Variants in CHKA observed in about 807,000 individuals in gnomAD.
CHKA encodes the protein CHETK-alpha.
A neutral mutation model predicts 60.1 loss-of-function variants in CHKA; 34 were observed. That is an observed-to-expected ratio of 0.57 (90% confidence interval 0.43 to 0.75). The LOEUF (loss-of-function observed/expected upper bound fraction) is 0.75. Among genes scored for constraint, CHKA ranks in the 30% least tolerant of loss-of-function variants. CHKA has a pLI of 0.00. For missense variants in CHKA, 563 were observed against 561.3 expected (o/e 1.00, Z -0.03); for synonymous variants, 217 against 223.1 (o/e 0.97, Z 0.24).
intron 9 of CHKA, among the ~76,000 whole-genome samples, chr11:68,065,244 C>T (rs1325756377): frequency 6.6e-6 from 1 of 152,184 alleles, no homozygotes; most frequent in Non-Finnish European, 1.5e-5. Context: ...AAAAATACTA[C>T]AAGGAACTAC....
chr11:68,073,197 C>T (rs554052873), intron 4 of CHKA, among the ~76,000 whole-genome samples: 1 of 152,252 alleles, frequency 6.6e-6, no homozygotes, highest in East Asian at 1.9e-4. Context: ...TACATGTGCA[C>T]ATATTCTTAA....
chr11:68,061,890 A>G, intron 11 of CHKA, 63 bp downstream of exon 11: 2 of 1,137,088 alleles, frequency 1.8e-6, no homozygotes, highest in East Asian at 5.1e-5. Flanking sequence ...ATTCACAAAT[A>G]CTATAGCATT....
chr11:68,064,646 A>G lies in CHKA; in HGVS notation c.1126-15T>C, dbSNP rs1590836932. ...ATAAAATGGAGCTTAAAAAAAAGTA[A>G]TTGTGTTAGGATCAATGATGGTTAA... On this transcript the variant is annotated splice_polypyrimidine_tract_variant and intron_variant, in intron 9 of 11. Coordinates refer to ENST00000265689, the MANE Select transcript of CHKA (RefSeq NM_001277.3). 1 of 1,457,482 alleles carries G rather than the reference A, an allele frequency of 6.9e-7. No homozygotes were observed. Among genetic ancestry groups the G allele is most frequent in the East Asian group, 2.3e-5 (1 of 43,310 alleles). 90.3% of individuals were successfully genotyped at this position (1,457,482 alleles called of 1,614,324 possible). A position where few individuals can be genotyped will look rare whatever the true frequency, so the allele number is the denominator to read the frequency against.
At chr11:68,097,635 CAAAAA>C (rs386374052) in intron 1 of CHKA, among the ~76,000 whole-genome samples, 2 of 111,854 alleles carry the variant, frequency 1.8e-5, no homozygotes, top group East Asian at 5.2e-4. Context: ...GACTCCGTCT[CAAAAA>C]AAAAAAAAAA....
chr11:68,081,338 G>C, intron 3 of CHKA, 66 bp downstream of exon 3: 1 of 1,317,418 alleles, frequency 7.6e-7, no homozygotes, highest in Middle Eastern at 1.8e-4. Flanking sequence ...CCAAGCCCTG[G>C]AGTAGCGAAG....
At chr11:68,058,264 A>G (rs1225285980) in intron 11 of CHKA, among the ~76,000 whole-genome samples, 2 of 152,254 alleles carry the variant, frequency 1.3e-5, no homozygotes, top group African/African-American at 4.8e-5. Context: ...ACCAGGTAGT[A>G]GAAGTCTTCT....
Position 68,053,639 on chromosome 11 carries a change from G to A in CHKA, c.*349C>T, listed in dbSNP as rs1164064287. 1.7e-5 allele frequency: 4 copies of A among 238,540 alleles called. No homozygotes were observed. The highest frequency in any genetic ancestry group is 3.3e-5 in the Non-Finnish European group (4 of 121,278). 14.8% of individuals were successfully genotyped at this position (238,540 alleles called of 1,614,324 possible). On this transcript the variant is annotated 3_prime_UTR_variant, in exon 12 of 12. Transcript: ENST00000265689. ...AAAATTTAAATCAACATTAACCAAA[G>A]TACCTGCAAGTAACACTGCTTACTC...
At chr11:68,092,931 G>C (rs1000464375) in intron 2 of CHKA, among the ~76,000 whole-genome samples, 1 of 151,314 alleles carries the variant, frequency 6.6e-6, no homozygotes, top group African/African-American at 2.4e-5. Context: ...TGTTGTCTAT[G>C]TCAACTGTCA....
chr11:68,057,754 C>CT (rs1491223617), intron 11 of CHKA, among the ~76,000 whole-genome samples: 1 of 152,228 alleles, frequency 6.6e-6, no homozygotes, highest in Non-Finnish European at 1.5e-5. Context: ...CTCCACATGA[C>CT]TCTTCAAATG....
chr11:68,073,120 G>T (rs757953962), intron 4 of CHKA, among the ~76,000 whole-genome samples: 4 of 152,046 alleles, frequency 2.6e-5, no homozygotes, highest in Non-Finnish European at 5.9e-5. Flanking sequence ...TTGTCCCCAA[G>T]ATATTTTTAT....
intron 1 of CHKA, among the ~76,000 whole-genome samples, chr11:68,120,501 CTA>C (rs1038732620): frequency 2.6e-5 from 4 of 152,258 alleles, no homozygotes; most frequent in African/African-American, 9.6e-5. Context: ...CTTTCTAGAC[CTA>C]TCTTAAGCGT....
Position 68,061,922 on chromosome 11 carries a change from A to G in CHKA, c.1314+31T>C, listed in dbSNP as rs564974078. Reference sequence around the variant, plus strand: ...CATTTTTACCTGGGAGTAGGAAGAAAAAAAAAAACAAAAACGCTGCTAAAA... The same window carrying G: ...CATTTTTACCTGGGAGTAGGAAGAAGAAAAAAAACAAAAACGCTGCTAAAA... On this transcript the variant is annotated intron_variant, in intron 11 of 11. Transcript: ENST00000265689. 131 of 1,482,982 alleles carry G rather than the reference A, an allele frequency of 8.8e-5. 1 individual carries two copies. Among genetic ancestry groups the G allele is most frequent in the Non-Finnish European group, 1.1e-4 (126 of 1,096,310 alleles). 91.9% of individuals were successfully genotyped at this position (1,482,982 alleles called of 1,614,324 possible).
intron 1 of CHKA, among the ~76,000 whole-genome samples, chr11:68,101,811 T>C (rs2153026046): frequency 6.6e-6 from 1 of 152,222 alleles, no homozygotes; most frequent in East Asian, 1.9e-4. Context: ...TGTTAAAATG[T>C]CCATACTGGC....
At chr11:68,096,837 C>G (rs756968247) in intron 2 of CHKA, among the ~76,000 whole-genome samples, 182 bp downstream of exon 2, 1 of 152,092 alleles carries the variant, frequency 6.6e-6, no homozygotes, top group Non-Finnish European at 1.5e-5. Flanking sequence ...AAAAAAAACA[C>G]GAATTAACTT....
chr11:68,097,683 C>T (rs1410470447), intron 1 of CHKA, among the ~76,000 whole-genome samples: 1 of 151,444 alleles, frequency 6.6e-6, no homozygotes, highest in African/African-American at 2.4e-5. Context: ...ACCTTCTTCT[C>T]TAGGGCTTTC....
At position 68,120,905 on chromosome 11, in the gene CHKA, G is replaced by T; in HGVS notation, c.273C>A (p.Ala91=). The T allele has an allele frequency of 8.0e-7, 1 of 1,245,428 alleles. No homozygotes were observed. The highest frequency in any genetic ancestry group is 1.0e-6 in the Non-Finnish European group (1 of 985,034). 77.1% of individuals were successfully genotyped at this position (1,245,428 alleles called of 1,614,324 possible). Residue 91 remains alanine (A), a synonymous_variant, in exon 1 of 12, where the codon GCC becomes GCA. Transcript: ENST00000265689. ...GCAGGAACTCCTTGCACCACAGATAGGCCCTGCGCCGCGTCCGGGGCTCCG... is the reference window on the plus strand; with the variant it reads ...GCAGGAACTCCTTGCACCACAGATATGCCCTGCGCCGCGTCCGGGGCTCCG... ...EQPEPRTRRR[A]YLWCKEFLPG... is the part of the protein sequence containing the mutation.
At chr11:68,087,264 G>A (rs1565184847) in intron 2 of CHKA, among the ~76,000 whole-genome samples, 2 of 152,164 alleles carry the variant, frequency 1.3e-5, no homozygotes, top group African/African-American at 4.8e-5. Context: ...CGGATCATTT[G>A]AGGTCAGGAG....
intron 1 of CHKA, among the ~76,000 whole-genome samples, chr11:68,110,915 T>C (rs1015705732): frequency 2.0e-5 from 3 of 151,382 alleles, no homozygotes; most frequent in Non-Finnish European, 4.4e-5. Context: ...GGAGAATCGC[T>C]TGAATCCAGG....
rs1856529547 is a variant in CHKA at position 68,068,930 on chromosome 11, G to A, written c.877C>T (p.Leu293Phe). 9 of 1,611,440 alleles carry A rather than the reference G, an allele frequency of 5.6e-6. No homozygotes were observed. The highest frequency in any genetic ancestry group is 7.6e-6 in the Non-Finnish European group (9 of 1,178,482). Residue 293 changes from leucine (L) to phenylalanine (F), a missense_variant, in exon 7 of 12, where the codon CTT (leucine) becomes TTT (phenylalanine). By Grantham distance (22) the Leu-to-Phe change is conservative. Transcript: ENST00000265689. ...ACAACTGGAGATGGAGTAGATTCAA[G>A]CAATGATCTGAAAAGAAAGGTTTCA... ...PLELENLRSL[L>F]ESTPSPVVFC...
Sources: gnomAD v4.1 joint callset for allele counts (sites outside exome capture counted in the v4.1 genomes callset) on GRCh38, gnomAD v4.1.1 for gene constraint, MANE v1.5 for transcripts, NCBI Gene and HGNC (gene_info 2026-07-23, HGNC 2026-07-21) for gene names.